The following FANCL variants were observed in gnomAD, a reference collection of about 807,000 sequenced individuals.
FANCL encodes the protein E3 ubiquitin-protein ligase FANCL.
FANCL carries 69 observed loss-of-function variants against 59.4 expected under a neutral mutation model. The ratio of observed to expected loss-of-function variants is 1.16; its 90% CI spans 0.96 to 1.42. The LOEUF is 1.42. Among genes scored for constraint, FANCL ranks in the 40% most tolerant of loss-of-function variants. The probability of loss-of-function intolerance (pLI) is 0.00; values close to 1 mark genes in which losing one functional copy is unlikely to be tolerated. For missense variants in FANCL, 519 were observed against 447.2 expected, an observed-to-expected ratio of 1.16 and a Z score of -1.45; for synonymous variants, 180 against 147.1, an observed-to-expected ratio of 1.22 and a Z score of -1.62.
chr2:58,174,859 C>T (rs1256067177), intron 7 of FANCL, among the ~76,000 whole-genome samples: 3 of 151,982 alleles, frequency 2.0e-5, no homozygotes, highest in East Asian at 1.9e-4. Context: ...AGCTGGTTTT[C>T]TGAAAGGATC....
At chr2:58,197,602 C>T (rs1368362904) in intron 7 of FANCL, among the ~76,000 whole-genome samples, 2 of 152,150 alleles carry the variant, frequency 1.3e-5, no homozygotes, top group Non-Finnish European at 2.9e-5. Flanking sequence ...TTATAGTTTA[C>T]AGTGCACTTC....
At chr2:58,195,263 G>C (rs976085385) in intron 7 of FANCL, among the ~76,000 whole-genome samples, 2 of 152,086 alleles carry the variant, frequency 1.3e-5, no homozygotes, top group Non-Finnish European at 2.9e-5. Context: ...AAGACTCAGA[G>C]TTCACACTGC....
intron 2 of FANCL, 69 bp downstream of exon 2, chr2:58,231,985 T>G (rs1228977050): frequency 1.2e-5 from 16 of 1,316,532 alleles, no homozygotes; most frequent in Non-Finnish European, 1.6e-5. Context: ...TAGAATCAAT[T>G]TATACCAAAT....
chr2:58,215,870 A>C (rs1691665466), intron 5 of FANCL, among the ~76,000 whole-genome samples: 1 of 151,824 alleles, frequency 6.6e-6, no homozygotes, highest in African/African-American at 2.4e-5. Context: ...GTAGGGAATA[A>C]GAGGATAAAA....
intron 1 of FANCL, among the ~76,000 whole-genome samples, chr2:58,235,590 A>C (rs6732503): frequency 0.02 from 2,996 of 152,222 alleles, 113 homozygotes; most frequent in African/African-American, 0.069. Context: ...AGCATGCAAC[A>C]GGTAGCATTC....
chr2:58,177,727 C>G (rs149328692), intron 7 of FANCL, among the ~76,000 whole-genome samples: 3 of 149,806 alleles, frequency 2.0e-5, no homozygotes, highest in East Asian at 3.9e-4. Context: ...CACATGTATA[C>G]ATATGTAAGT....
intron 7 of FANCL, among the ~76,000 whole-genome samples, chr2:58,191,004 T>G (rs1047005670): frequency 6.6e-6 from 1 of 151,860 alleles, no homozygotes; most frequent in Non-Finnish European, 1.5e-5. Context: ...CTTCAACCTA[T>G]TGGATCTTTA....
At chr2:58,180,759 T>G (rs1361643532) in intron 7 of FANCL, among the ~76,000 whole-genome samples, 2 of 151,990 alleles carry the variant, frequency 1.3e-5, no homozygotes, top group African/African-American at 4.8e-5. Flanking sequence ...TTTTTTAACA[T>G]AAGCGGTCTC....
chr2:58,241,073 C>T (rs1694493365), intron 1 of FANCL, 145 bp downstream of exon 1: 1 of 811,568 alleles, frequency 1.2e-6, no homozygotes, highest in Non-Finnish European at 2.0e-6. Context: ...CTTCTCAAAC[C>T]TTTAGTCTCC....
intron 7 of FANCL, among the ~76,000 whole-genome samples, chr2:58,167,425 G>A (rs932630688): frequency 6.6e-6 from 1 of 151,936 alleles, no homozygotes; most frequent in African/African-American, 2.4e-5. Context: ...TTCTCTGTCT[G>A]TTTCTACATG....
At chr2:58,225,885 T>C (rs776681755) in intron 4 of FANCL, among the ~76,000 whole-genome samples, 4 of 152,088 alleles carry the variant, frequency 2.6e-5, no homozygotes, top group Admixed American at 1.3e-4. Context: ...AAGTCTTATA[T>C]AAGGCTTAAG....
intron 6 of FANCL, 103 bp from the exon 7 acceptor site, chr2:58,198,765 C>T: frequency 1.2e-6 from 1 of 849,710 alleles, no homozygotes; most frequent in Non-Finnish European, 2.0e-6. Flanking sequence ...CGCGGTGGCT[C>T]ACGCCTGTAA....
intron 7 of FANCL, among the ~76,000 whole-genome samples, chr2:58,167,055 T>C (rs1686023599): frequency 6.6e-6 from 1 of 152,114 alleles, no homozygotes; most frequent in Non-Finnish European, 1.5e-5. Context: ...CTTCTAAAAA[T>C]ACAAAAATTA....
chr2:58,236,117 T>C (rs530108140), intron 1 of FANCL, among the ~76,000 whole-genome samples: 5 of 147,188 alleles, frequency 3.4e-5, no homozygotes, highest in Non-Finnish European at 6.0e-5. Flanking sequence ...TGAAAATATA[T>C]ACTCAGAGAT....
chr2:58,204,048 ACTT>A, intron 6 of FANCL, 79 bp downstream of exon 6: 1 of 1,023,334 alleles, frequency 9.8e-7, no homozygotes, highest in Non-Finnish European at 1.6e-6. Context: ...TGTAACTAGC[ACTT>A]CTTTACATTG....
chr2:58,237,559 G>C (rs188886635), intron 1 of FANCL, among the ~76,000 whole-genome samples: 6 of 151,846 alleles, frequency 4.0e-5, no homozygotes, highest in Admixed American at 3.9e-4. Context: ...GGAAACTTAA[G>C]ATCAGAAAAC....
intron 5 of FANCL, among the ~76,000 whole-genome samples, chr2:58,212,823 T>A (rs1028972122): frequency 2.0e-5 from 3 of 152,190 alleles, no homozygotes; most frequent in African/African-American, 7.2e-5. Context: ...TTGACTGTGT[T>A]TTTATAGAAA....
In FANCL at chr2:58,230,838, G is replaced by GT. The variant is rs1218752974; in HGVS notation, c.156-965dup. Among the ~76,000 whole-genome samples, 3 of 152,204 alleles carry GT rather than the reference G, an allele frequency of 2.0e-5. No individual in the cohort carries two copies. The East Asian group carries it at 5.8e-4, about 29-fold the overall frequency. The stretch of plus-strand genomic sequence containing the variant: ...GGTATCCTTAATTTATGTTCTGCTA[G>GT]TTTTTTTCTCCTTAATGAATTAACT... On this transcript the variant is annotated intron_variant, in intron 2 of 13. Transcript: ENST00000233741.
At position 58,187,726 on chromosome 2, in the gene FANCL, C is replaced by T. The variant is rs79695454; in HGVS notation, c.540+10868G>A. Among the ~76,000 whole-genome samples, 42 of 152,118 alleles carry T rather than the reference C, an allele frequency of 2.8e-4. No individual in the cohort carries two copies. In the East Asian group the frequency reaches 7.0e-3, roughly 25 times the overall value. Reference sequence around the variant, plus strand: ...ACACATGAAATAAATTTATATAAAGCTTTAATGGTAGTAAAAGTGTTATCC... The same window carrying T: ...ACACATGAAATAAATTTATATAAAGTTTTAATGGTAGTAAAAGTGTTATCC... On this transcript the variant is annotated intron_variant, in intron 7 of 13. Transcript: ENST00000233741.
Sources: gnomAD v4.1 joint callset for allele counts (sites outside exome capture counted in the v4.1 genomes callset) on GRCh38, gnomAD v4.1.1 for gene constraint, MANE v1.5 for transcripts, NCBI Gene and HGNC (gene_info 2026-07-23, HGNC 2026-07-21) for gene names.